Variants in BASP1 observed in about 807,000 individuals in gnomAD.
The protein encoded by BASP1 is brain abundant membrane attached signal protein 1.
A neutral mutation model predicts 2.2 loss-of-function variants in BASP1; 1 was observed. The observed-to-expected ratio is 0.46, with a 90% CI of 0.16 to 2.17. The LOEUF is 2.17. Ranked by LOEUF, BASP1 falls within the 30% of genes most tolerant of loss-of-function variation. The pLI is 0.27. For missense variants in BASP1, 352 were observed against 327.2 expected (o/e 1.08, Z -0.58); for synonymous variants, 187 against 154.2 (o/e 1.21, Z -1.58).
In BASP1 at chr5:17,275,573, C is replaced by A. The variant is rs761979844; in HGVS notation, c.357C>A (p.Ala119=). The change falls in exon 2 of 2, where the codon GCC becomes GCA. Residue 119 remains alanine, a synonymous_variant. Transcript: ENST00000322611. This position sits in a 1 kb window ranked among gnomAD's most constrained non-coding sequence, Gnocchi z 5.3. ...AAPGPAAGGE[A]PKAAEAAAAP... ...CCGGCCCCGCTGCGGGCGGCGAGGC[C>A]CCCAAAGCTGCTGAGGCCGCCGCGG... 3.6e-6 allele frequency: 5 copies of A among 1,408,110 alleles called. No individual in the cohort carries two copies. Among genetic ancestry groups the A allele is most frequent in the South Asian group, 3.2e-5 (2 of 62,820 alleles). 87.2% of individuals were successfully genotyped at this position (1,408,110 alleles called of 1,614,324 possible).
intron 1 of BASP1, among the ~76,000 whole-genome samples, chr5:17,262,231 A>G (rs1173109072): frequency 6.6e-6 from 1 of 152,182 alleles, no homozygotes; most frequent in Non-Finnish European, 1.5e-5. Context: ...TTAAATATCA[A>G]TAGGGTTTTC....
intron 1 of BASP1, among the ~76,000 whole-genome samples, chr5:17,273,398 TA>T (rs555510799): frequency 3.0e-4 from 45 of 150,452 alleles, no homozygotes; most frequent in Non-Finnish European, 4.0e-4. Context: ...CCCCCTTTTC[TA>T]AAAAAAAAGG....
chr5:17,270,954 G>A (rs1482763798), intron 1 of BASP1, among the ~76,000 whole-genome samples: 2 of 152,168 alleles, frequency 1.3e-5, no homozygotes, highest in Non-Finnish European at 2.9e-5. Context: ...ATGACCCAAT[G>A]TGCAAAGTCT....
chr5:17,228,673 G>C (rs901745601), intron 1 of BASP1, among the ~76,000 whole-genome samples: 3 of 152,168 alleles, frequency 2.0e-5, no homozygotes, highest in African/African-American at 7.2e-5. Context: ...CCACGTTAAG[G>C]GGAGAAGGAA....
chr5:17,256,794 G>A (rs1189287609), intron 1 of BASP1, among the ~76,000 whole-genome samples: 2 of 152,314 alleles, frequency 1.3e-5, no homozygotes, highest in Non-Finnish European at 2.9e-5. Context: ...CTGACTTGTG[G>A]CCTTAATTGC....
In BASP1 at chr5:17,276,049, TGGAAG is replaced by T; in HGVS notation, c.*150_*154del. 1 of 637,086 alleles carries T rather than the reference TGGAAG, an allele frequency of 1.6e-6. No homozygotes were observed. The highest frequency in any genetic ancestry group is 2.3e-6 in the Non-Finnish European group (1 of 430,960). The allele number at this position is 637,086 out of a possible 1,614,324, so 39.5% of individuals were successfully genotyped here. A position where few individuals can be genotyped will look rare whatever the true frequency, so the allele number is the denominator to read the frequency against. ...TCTCCTATACTAACTTGTTTCAAAT[TGGAAG>T]TAATGATATGTATTGCCCAAGGAAA... is the stretch of plus-strand genomic sequence containing the variant. On this transcript the variant is annotated 3_prime_UTR_variant, in exon 2 of 2. Coordinates refer to ENST00000322611, the MANE Select transcript of BASP1 (RefSeq NM_006317.5).
At chr5:17,219,060 A>C (rs1417084556) in intron 1 of BASP1, among the ~76,000 whole-genome samples, 2 of 151,940 alleles carry the variant, frequency 1.3e-5, no homozygotes, top group East Asian at 3.9e-4. Context: ...ACCCAACACT[A>C]GCGTCGAAAT....
At chr5:17,239,637 C>A (rs1021172968) in intron 1 of BASP1, among the ~76,000 whole-genome samples, 5 of 152,142 alleles carry the variant, frequency 3.3e-5, no homozygotes, top group African/African-American at 1.2e-4. Flanking sequence ...CTTTGGTTAT[C>A]TTTGTTCTAG....
intron 1 of BASP1, among the ~76,000 whole-genome samples, chr5:17,240,287 C>T (rs1243742989): frequency 2.6e-5 from 4 of 152,106 alleles, no homozygotes; most frequent in Non-Finnish European, 5.9e-5. Context: ...GTAATCCCAG[C>T]ACTTTGGTAG....
intron 1 of BASP1, among the ~76,000 whole-genome samples, chr5:17,225,374 A>G (rs578098193): frequency 4.8e-4 from 73 of 151,992 alleles, no homozygotes; most frequent in African/African-American, 1.7e-3. Context: ...GGGACGGTGC[A>G]GTCACTACCT....
chr5:17,269,086 A>T (rs1390561569), intron 1 of BASP1, among the ~76,000 whole-genome samples: 1 of 152,224 alleles, frequency 6.6e-6, no homozygotes, highest in African/African-American at 2.4e-5. Flanking sequence ...GTCTCTGAGG[A>T]CAAAAACAAA....
Position 17,275,649 on chromosome 5 carries a change from G to C in BASP1, c.433G>C (p.Glu145Gln), listed in dbSNP as rs1333738365. Residue 145 changes from glutamate (E) to glutamine (Q), a missense_variant, in exon 2 of 2, where the codon GAA (glutamate) becomes CAA (glutamine). Transcript: ENST00000322611. This position sits in a 1 kb window ranked among gnomAD's most constrained non-coding sequence, Gnocchi z 5.3. ...PAAGEEPSKE[E>Q]GEPKKTEAPA... ...CGCCGGGGAGGAGCCCAGCAAGGAG[G>C]AAGGGGAACCCAAAAAGACTGAGGC... 16 of 1,536,074 alleles carry C rather than the reference G, an allele frequency of 1.0e-5. No individual in the cohort carries two copies. Among genetic ancestry groups the C allele is most frequent in the Non-Finnish European group, 1.3e-5 (15 of 1,142,654 alleles).
chr5:17,259,601 T>G (rs1740276682), intron 1 of BASP1, among the ~76,000 whole-genome samples: 1 of 152,202 alleles, frequency 6.6e-6, no homozygotes, highest in Non-Finnish European at 1.5e-5. Context: ...ATACTACATT[T>G]GCTGTTGGTG....
chr5:17,270,472 G>A (rs768833870), intron 1 of BASP1, among the ~76,000 whole-genome samples: 1 of 152,226 alleles, frequency 6.6e-6, no homozygotes, highest in Non-Finnish European at 1.5e-5. Context: ...AATATTCAGA[G>A]CGAAGAAGTA....
chr5:17,239,388 C>T (rs894302179), intron 1 of BASP1, among the ~76,000 whole-genome samples: 1 of 152,196 alleles, frequency 6.6e-6, no homozygotes, highest in Non-Finnish European at 1.5e-5. Context: ...CCACTGCACC[C>T]GGCCCAGCTC....
intron 1 of BASP1, among the ~76,000 whole-genome samples, chr5:17,225,963 T>C (rs1404664397): frequency 6.6e-6 from 1 of 152,224 alleles, no homozygotes; most frequent in Non-Finnish European, 1.5e-5. Flanking sequence ...AAGCATACTA[T>C]TGGGATGTTT....
At chr5:17,242,484 T>C (rs555451046) in intron 1 of BASP1, among the ~76,000 whole-genome samples, 1 of 151,956 alleles carries the variant, frequency 6.6e-6, no homozygotes, top group Non-Finnish European at 1.5e-5. Context: ...TAAACTTGCA[T>C]TGACACATCA....
At chr5:17,247,650 C>T (rs1041065645) in intron 1 of BASP1, among the ~76,000 whole-genome samples, 2 of 152,162 alleles carry the variant, frequency 1.3e-5, no homozygotes, top group African/African-American at 2.4e-5. Context: ...AGTTCCTGGC[C>T]CAGCACTTAG....
intron 1 of BASP1, among the ~76,000 whole-genome samples, chr5:17,265,357 A>G (rs1036719123): frequency 6.6e-6 from 1 of 152,226 alleles, no homozygotes; most frequent in Admixed American, 6.5e-5. Flanking sequence ...ACAAAGTGCT[A>G]CTGAAATGAA....
Sources: allele counts gnomAD v4.1 joint callset (sites outside exome capture counted in the v4.1 genomes callset), GRCh38; gene constraint gnomAD v4.1.1; non-coding constraint Gnocchi (gnomAD v3.1); transcripts MANE v1.5; gene names NCBI Gene and HGNC (gene_info 2026-07-23, HGNC 2026-07-21).